The following ENTREP2 variants were observed in gnomAD, a reference collection of about 807,000 sequenced individuals.
The protein encoded by ENTREP2 is endosomal transmembrane epsin interactor 2.
At chr15:29,128,734 G>C in the ENTREP2 span, 1 of 1,292,170 alleles carries the variant, frequency 7.7e-7, no homozygotes, top group Admixed American at 2.0e-5. Context: ...ACGAAAAAGA[G>C]ACACCCTTGA....
At chr15:29,121,889 C>G in the ENTREP2 span, 63 of 152,480 alleles carry the variant, frequency 4.1e-4, no homozygotes, top group Admixed American at 4.0e-3. Context: ...AGCTTCCAGC[C>G]ACACAGAAGC....
the ENTREP2 span, among the ~76,000 whole-genome samples, chr15:29,220,832 G>A: frequency 6.6e-6 from 1 of 151,414 alleles, no homozygotes; most frequent in African/African-American, 2.4e-5. Context: ...AAAACTACCT[G>A]CTTTTCATTT....
At chr15:29,125,559 G>A in the ENTREP2 span, among the ~76,000 whole-genome samples, 1,202 of 152,238 alleles carry the variant, frequency 7.9e-3, 4 homozygotes, top group Non-Finnish European at 0.012. Context: ...CCCTCTTCAG[G>A]GTTCCTGCAC....
the ENTREP2 span, among the ~76,000 whole-genome samples, chr15:29,262,184 T>C: frequency 1.3e-5 from 2 of 152,082 alleles, no homozygotes; most frequent in East Asian, 3.9e-4. Context: ...TACATATTGG[T>C]TTCCTTCCAT....
the ENTREP2 span, among the ~76,000 whole-genome samples, chr15:29,248,049 A>G: frequency 6.6e-6 from 1 of 152,312 alleles, no homozygotes; most frequent in East Asian, 1.9e-4. Context: ...TATCCTCACA[A>G]TAAATGGCCC....
At chr15:29,527,635 C>T in the ENTREP2 span, among the ~76,000 whole-genome samples, 2 of 152,080 alleles carry the variant, frequency 1.3e-5, no homozygotes, top group African/African-American at 4.8e-5. Flanking sequence ...AGAGATGTGC[C>T]AACAGAAGGC....
the ENTREP2 span, chr15:29,376,551 A>C: frequency 6.8e-6 from 1 of 147,092 alleles, no homozygotes; most frequent in Non-Finnish European, 1.5e-5. Flanking sequence ...CACTATGGTA[A>C]ACACACACAC....
the ENTREP2 span, among the ~76,000 whole-genome samples, chr15:29,134,292 C>T: frequency 1.3e-5 from 2 of 152,202 alleles, no homozygotes; most frequent in Non-Finnish European, 2.9e-5. Flanking sequence ...AGGGCCATGC[C>T]CACCTCCTGA....
the ENTREP2 span, among the ~76,000 whole-genome samples, chr15:29,305,277 C>T: frequency 0.099 from 15,002 of 152,228 alleles, 946 homozygotes; most frequent in South Asian, 0.17. Context: ...GGAGCTTGCA[C>T]GGCACAATGA....
chr15:29,675,106 T>C, the ENTREP2 span: 2 of 152,734 alleles, frequency 1.3e-5, no homozygotes, highest in Middle Eastern at 3.1e-3. Context: ...CACCCCACGG[T>C]TGGCCGCGGA....
chr15:29,275,735 C>A, the ENTREP2 span, among the ~76,000 whole-genome samples: 1 of 152,212 alleles, frequency 6.6e-6, no homozygotes, highest in East Asian at 1.9e-4. Flanking sequence ...CTACTAGATT[C>A]TCCTCTTCAT....
At chr15:29,157,388 G>GA in the ENTREP2 span, among the ~76,000 whole-genome samples, 2 of 152,208 alleles carry the variant, frequency 1.3e-5, no homozygotes, top group Admixed American at 1.3e-4. Context: ...GCTCCCTACA[G>GA]AAGAGGGCAT....
the ENTREP2 span, among the ~76,000 whole-genome samples, chr15:29,634,949 G>C: frequency 2.5e-3 from 378 of 152,184 alleles, 1 homozygote; most frequent in African/African-American, 8.8e-3. Flanking sequence ...CCATCCAAAA[G>C]CTCCTGCCAT....
chr15:29,184,457 G>A, the ENTREP2 span, among the ~76,000 whole-genome samples: 13 of 152,298 alleles, frequency 8.5e-5, 1 homozygote, highest in East Asian at 1.9e-3. Flanking sequence ...CCTACTAAGC[G>A]GATCAGGTTG....
At chr15:29,379,378 C>T in the ENTREP2 span, among the ~76,000 whole-genome samples, 5 of 152,124 alleles carry the variant, frequency 3.3e-5, no homozygotes, top group African/African-American at 9.7e-5. Flanking sequence ...GGAGGTTGCT[C>T]CAGCAATTAG....
At chr15:29,474,358 G>A in the ENTREP2 span, among the ~76,000 whole-genome samples, 8 of 152,146 alleles carry the variant, frequency 5.3e-5, no homozygotes. Context: ...TAGGGGCCCT[G>A]AGATGACAGT....
At chr15:29,555,273 T>C in the ENTREP2 span, among the ~76,000 whole-genome samples, 2 of 152,176 alleles carry the variant, frequency 1.3e-5, no homozygotes, top group African/African-American at 4.8e-5. Context: ...TCTAACAAGA[T>C]GCTGTACAAC....
At chr15:29,658,785 TA>T in the ENTREP2 span, among the ~76,000 whole-genome samples, 8 of 152,224 alleles carry the variant, frequency 5.3e-5, no homozygotes, top group South Asian at 6.2e-4. Flanking sequence ...TAAAGGACTA[TA>T]AAAAAAACTT....
chr15:29,161,889 G>T, the ENTREP2 span, among the ~76,000 whole-genome samples: 1 of 152,066 alleles, frequency 6.6e-6, no homozygotes, highest in Non-Finnish European at 1.5e-5. Context: ...GCTCCAGATC[G>T]ACTGCAAGAA....
Sources: allele counts gnomAD v4.1 joint callset (sites outside exome capture counted in the v4.1 genomes callset), GRCh38; gene constraint gnomAD v4.1.1; transcripts MANE v1.5; gene names NCBI Gene and HGNC (gene_info 2026-07-23, HGNC 2026-07-21).